Variants in SPMIP1 observed in about 807,000 individuals in gnomAD.
The protein encoded by SPMIP1 is sperm microtubule inner protein 1, also known as protein SPMIP1.
the SPMIP1 span, chr7:128,869,389 A>T: frequency 6.5e-6 from 1 of 152,930 alleles, no homozygotes; most frequent in Non-Finnish European, 1.5e-5. Context: ...CGGGCGCGCT[A>T]AGCTCGGCCC....
chr7:128,869,662 C>A, the SPMIP1 span: 5 of 152,218 alleles, frequency 3.3e-5, no homozygotes, highest in Admixed American at 6.5e-5. Context: ...GGCGGCGCTG[C>A]CGCCTGGCCG....
the SPMIP1 span, chr7:128,869,080 T>C: frequency 6.4e-4 from 256 of 401,446 alleles, 1 homozygote; most frequent in African/African-American, 4.8e-3. Flanking sequence ...TGGGTGTTCC[T>C]GGGGAGAGAG....
At chr7:128,867,131 A>C in the SPMIP1 span, among the ~76,000 whole-genome samples, 3 of 152,238 alleles carry the variant, frequency 2.0e-5, no homozygotes, top group African/African-American at 7.2e-5. Context: ...AGCAGATTTC[A>C]AGAGTGACAC....
the SPMIP1 span, chr7:128,868,642 T>A: frequency 6.7e-7 from 1 of 1,484,508 alleles, no homozygotes. Flanking sequence ...GAACCCATGC[T>A]TGGCCTCTGA....
chr7:128,866,349 C>A, the SPMIP1 span: 1 of 1,355,938 alleles, frequency 7.4e-7, no homozygotes, highest in Non-Finnish European at 9.9e-7. Flanking sequence ...CAGAAGCACT[C>A]TGCTTGCTGT....
the SPMIP1 span, chr7:128,868,766 G>C: frequency 6.5e-7 from 1 of 1,534,324 alleles, no homozygotes; most frequent in South Asian, 1.2e-5. Context: ...CCCGAGACCT[G>C]GCCCTCTGAC....
the SPMIP1 span, chr7:128,870,136 A>T: frequency 6.6e-6 from 1 of 152,164 alleles, no homozygotes; most frequent in East Asian, 1.9e-4. Context: ...TCAGCGTGGT[A>T]GTCCTTCTCC....
At chr7:128,869,070 T>C in the SPMIP1 span, 1 of 406,854 alleles carries the variant, frequency 2.5e-6, no homozygotes. Flanking sequence ...CAGGAAGTTC[T>C]GGGTGTTCCT....
At chr7:128,868,023 G>A in the SPMIP1 span, among the ~76,000 whole-genome samples, 2 of 152,210 alleles carry the variant, frequency 1.3e-5, no homozygotes, top group African/African-American at 2.4e-5. Context: ...GTGAGGTTGA[G>A]TCAAGGCCAT....
the SPMIP1 span, among the ~76,000 whole-genome samples, chr7:128,868,089 G>T: frequency 2.6e-5 from 4 of 152,228 alleles, no homozygotes; most frequent in African/African-American, 9.6e-5. Flanking sequence ...AAGAGGAAAG[G>T]TGTGGAACAG....
At chr7:128,867,805 C>T in the SPMIP1 span, among the ~76,000 whole-genome samples, 11 of 152,114 alleles carry the variant, frequency 7.2e-5, no homozygotes, top group Admixed American at 5.9e-4. Flanking sequence ...CTGCTGACCT[C>T]GTAATCTGCC....
the SPMIP1 span, chr7:128,868,770 CTCTGACCGT>C: frequency 1.4e-5 from 22 of 1,533,624 alleles, no homozygotes; most frequent in East Asian, 3.2e-4. Flanking sequence ...AGACCTGGCC[CTCTGACCGT>C]GGGCCAGGTG....
At chr7:128,866,456 A>G in the SPMIP1 span, 1 of 1,535,880 alleles carries the variant, frequency 6.5e-7, no homozygotes, top group Non-Finnish European at 8.7e-7. Context: ...AACTTCTGGA[A>G]GGAGGAATAT....
At chr7:128,868,980 C>G in the SPMIP1 span, 1 of 512,892 alleles carries the variant, frequency 1.9e-6, no homozygotes, top group Non-Finnish European at 3.5e-6. Context: ...GAGGACTCAG[C>G]AATGACCAGA....
the SPMIP1 span, chr7:128,866,737 C>T: frequency 6.5e-6 from 10 of 1,535,954 alleles, no homozygotes; most frequent in African/African-American, 2.7e-5. Flanking sequence ...CTTCCAGGGG[C>T]GGTACCGCTA....
At chr7:128,868,805 G>C in the SPMIP1 span, 2 of 1,466,062 alleles carry the variant, frequency 1.4e-6, no homozygotes, top group East Asian at 2.5e-5. Flanking sequence ...TTAGGGGAGG[G>C]AAGAAGAAAT....
the SPMIP1 span, chr7:128,869,086 G>A: frequency 2.5e-6 from 1 of 399,532 alleles, no homozygotes; most frequent in Non-Finnish European, 4.4e-6. Flanking sequence ...TTCCTGGGGA[G>A]AGAGCGGCTT....
At chr7:128,866,778 G>T in the SPMIP1 span, 1 of 1,536,120 alleles carries the variant, frequency 6.5e-7, no homozygotes, top group African/African-American at 1.4e-5. Context: ...ACATGCCAGA[G>T]ACGCGATACC....
the SPMIP1 span, chr7:128,869,925 G>A: frequency 8.1e-6 from 1 of 124,120 alleles, no homozygotes; most frequent in Non-Finnish European, 1.6e-5. Flanking sequence ...GGGCCCCGGA[G>A]AGCCCCGAGG....
Sources: allele counts gnomAD v4.1 joint callset (sites outside exome capture counted in the v4.1 genomes callset), GRCh38; gene constraint gnomAD v4.1.1; transcripts MANE v1.5; gene names NCBI Gene and HGNC (gene_info 2026-07-23, HGNC 2026-07-21).